The following GPHN variants were observed in gnomAD, a reference collection of about 807,000 sequenced individuals.
The protein encoded by GPHN is gephyrin.
Under a neutral mutation model 95.5 loss-of-function variants are expected in GPHN, and 17 were observed. The observed-to-expected ratio is 0.18, with a 90% CI of 0.12 to 0.27. The LOEUF (loss-of-function observed/expected upper bound fraction) is 0.27, where lower values mean the gene tolerates loss of function less well. GPHN is among the 10% of genes least tolerant of loss of function. The pLI, the probability that GPHN is intolerant of heterozygous loss-of-function variation, is 1.00. For missense variants in GPHN, 660 were observed against 978.1 expected, an observed-to-expected ratio of 0.67 and a Z score of 4.34; for synonymous variants, 320 against 322.5, an observed-to-expected ratio of 0.99 and a Z score of 0.08.
the GPHN span, chr14:67,224,038 G>A: frequency 3.6e-5 from 34 of 944,182 alleles, no homozygotes; most frequent in Non-Finnish European, 4.3e-5. Flanking sequence ...AAGCTCATCT[G>A]ATTCACATTC....
the GPHN span, among the ~76,000 whole-genome samples, chr14:67,264,412 G>A: frequency 2.0e-5 from 3 of 151,882 alleles, no homozygotes; most frequent in Non-Finnish European, 4.4e-5. Flanking sequence ...TTTGTTGCCT[G>A]TGCTTTTGGG....
At chr14:66,555,742 A>T (rs1399583037) in intron 1 of GPHN, among the ~76,000 whole-genome samples, 1 of 152,162 alleles carries the variant, frequency 6.6e-6, no homozygotes, top group Non-Finnish European at 1.5e-5. Flanking sequence ...TTAGTGAACA[A>T]GTAATAACTA....
intron 1 of GPHN, among the ~76,000 whole-genome samples, chr14:66,539,140 C>A (rs1033191050): frequency 6.6e-6 from 1 of 152,052 alleles, no homozygotes; most frequent in East Asian, 1.9e-4. Context: ...GAGATTAGCC[C>A]GGTAATCTCT....
At chr14:66,581,383 A>G (rs892883011) in intron 1 of GPHN, among the ~76,000 whole-genome samples, 1 of 151,884 alleles carries the variant, frequency 6.6e-6, no homozygotes, top group African/African-American at 2.4e-5. Context: ...CTTGATCACT[A>G]TAACGAAAAA....
At chr14:67,692,231 G>A in the GPHN span, 2 of 557,966 alleles carry the variant, frequency 3.6e-6, no homozygotes, top group Admixed American at 3.5e-5. Flanking sequence ...TCACTGCTAT[G>A]ACGTTTTGAA....
chr14:66,763,227 T>C (rs2058826582), intron 2 of GPHN, among the ~76,000 whole-genome samples: 1 of 79,680 alleles, frequency 1.3e-5, no homozygotes, highest in South Asian at 4.4e-4. Flanking sequence ...TTAATCTTTT[T>C]TTTTTTTTCT....
the GPHN span, among the ~76,000 whole-genome samples, chr14:67,233,518 C>G: frequency 6.6e-6 from 1 of 152,202 alleles, no homozygotes; most frequent in African/African-American, 2.4e-5. Flanking sequence ...CTCAGATAAT[C>G]TGCTTCTACT....
rs1566812925 is a variant in GPHN, at chr14:66,683,385, T to TATATATATGTTC, written c.143+2209_143+2220dup. Among the ~76,000 whole-genome samples the TATATATATGTTC allele has an allele frequency of 2.7e-5, 3 of 109,828 alleles. 1 individual carries two copies. The highest frequency in any genetic ancestry group is 1.6e-4 in the African/African-American group (3 of 18,320). The allele number at this position is 109,828 out of a possible 152,430, so 72.1% of individuals were successfully genotyped here. On this transcript the variant is annotated intron_variant, in intron 2 of 22. Transcript: ENST00000478722. ...ATATATATATATATATATATGTTCA[T>TATATATATGTTC]ATATATATGTTCATATATATATATG...
Position 66,776,468 on chromosome 14 carries a change from G to A in GPHN, c.148G>A (p.Gly50Ser), listed in dbSNP as rs764797083. 1.3e-6 allele frequency: 2 copies of A among 1,554,432 alleles called. No individual in the cohort carries two copies. Among genetic ancestry groups the A allele is most frequent in the Admixed American group, 1.7e-5 (1 of 59,508 alleles). Residue 50 changes from glycine (G) to serine (S), a missense_variant, in exon 3 of 23, where the codon GGT (glycine) becomes AGT (serine). Physicochemically the swap from Gly to Ser is moderately conservative, Grantham distance 56 (BLOSUM62 0). Around this residue, in one of 6 missense-constraint regions of GPHN, gnomAD observed 92 missense variants for 91.9 expected, o/e 1.00. Coordinates refer to ENST00000478722, the MANE Select transcript of GPHN (RefSeq NM_020806.5). ...ATTTTCTTCTCCTAATTTCAGGTTG[G>A]GTGGGACTATATCAGCATACAAGAT... ...KDLVQDPSLL[G>S]GTISAYKIVP...
Position 66,688,891 on chromosome 14 carries a change from A to T in GPHN, c.143+7706A>T, listed in dbSNP as rs544429812. ...AGAACACATGGACGCAGGGAGTGGA[A>T]CATCACACACCGGGGCCTGTCGGGG... On this transcript the variant is annotated intron_variant, in intron 2 of 22. Transcript: ENST00000478722. Among the ~76,000 whole-genome samples, 4 of 141,970 alleles carry T rather than the reference A, an allele frequency of 2.8e-5. No homozygotes were observed. In the South Asian group the frequency reaches 1.0e-3, roughly 36 times the overall value. 93.1% of individuals were successfully genotyped at this position (141,970 alleles called of 152,430 possible).
chr14:66,956,089 C>G (rs538069995), intron 8 of GPHN, among the ~76,000 whole-genome samples: 1 of 152,202 alleles, frequency 6.6e-6, no homozygotes, highest in African/African-American at 2.4e-5. Context: ...TTTCATTTAT[C>G]TCCACTATAA....
chr14:67,340,948 T>C, the GPHN span, among the ~76,000 whole-genome samples: 6 of 152,230 alleles, frequency 3.9e-5, no homozygotes, highest in Non-Finnish European at 8.8e-5. Flanking sequence ...GGTGCCGGGA[T>C]TGCAGATGGA....
At chr14:67,342,924 G>C in the GPHN span, among the ~76,000 whole-genome samples, 1 of 152,058 alleles carries the variant, frequency 6.6e-6, no homozygotes, top group African/African-American at 2.4e-5. Flanking sequence ...TGAAATAAAA[G>C]AGATGGAAAA....
the GPHN span, among the ~76,000 whole-genome samples, chr14:67,295,971 G>A: frequency 6.6e-6 from 1 of 152,138 alleles, no homozygotes; most frequent in Non-Finnish European, 1.5e-5. Flanking sequence ...ACCTGTGAAA[G>A]TTGCATTAGG....
intron 1 of GPHN, among the ~76,000 whole-genome samples, chr14:66,519,169 CTTA>C (rs1341730177): frequency 6.6e-6 from 1 of 151,788 alleles, no homozygotes; most frequent in African/African-American, 2.4e-5. Flanking sequence ...CTCCTGAATT[CTTA>C]TGTCATTCTT....
At chr14:67,193,869 G>A in the GPHN span, among the ~76,000 whole-genome samples, 47 of 148,040 alleles carry the variant, frequency 3.2e-4, no homozygotes, top group Middle Eastern at 3.5e-3. Context: ...CACTTGGGCT[G>A]GGGAGGTTGA....
intron 1 of GPHN, among the ~76,000 whole-genome samples, chr14:66,609,550 T>C (rs2062695061): frequency 6.6e-6 from 1 of 152,124 alleles, no homozygotes; most frequent in Non-Finnish European, 1.5e-5. Context: ...AAAGTTGTTT[T>C]CTCTCTCAGG....
chr14:67,533,963 G>A, the GPHN span, among the ~76,000 whole-genome samples: 1 of 152,096 alleles, frequency 6.6e-6, no homozygotes, highest in Non-Finnish European at 1.5e-5. Flanking sequence ...AGGCGGTGAA[G>A]AGCCTCATCT....
chr14:67,070,774 A>G (rs940615092), intron 11 of GPHN, among the ~76,000 whole-genome samples: 11 of 146,166 alleles, frequency 7.5e-5, no homozygotes, highest in South Asian at 4.3e-4. Context: ...TTTTTCCCCC[A>G]GTACTGTGGG....
Sources: gnomAD v4.1 joint callset for allele counts (sites outside exome capture counted in the v4.1 genomes callset) on GRCh38, gnomAD v4.1.1 for gene constraint, gnomAD v4.1.1 regional missense constraint, MANE v1.5 for transcripts, NCBI Gene and HGNC (gene_info 2026-07-23, HGNC 2026-07-21) for gene names.